The following CACNB2 variants were observed in gnomAD, a reference collection of about 807,000 sequenced individuals.
The protein encoded by CACNB2 is calcium voltage-gated channel auxiliary subunit beta 2, also known as voltage-dependent L-type calcium channel subunit beta-2.
CACNB2 carries 42 observed loss-of-function variants against 73.3 expected under a neutral mutation model. The ratio of observed to expected loss-of-function variants is 0.57; its 90% confidence interval spans 0.45 to 0.74. The LOEUF (loss-of-function observed/expected upper bound fraction) is 0.74. Ranked by LOEUF, CACNB2 falls within the 30% of genes least tolerant of loss-of-function variation. The pLI, the probability that CACNB2 is intolerant of heterozygous loss-of-function variation, is 0.00. For missense variants in CACNB2, 940 were observed against 853.0 expected, an observed-to-expected ratio of 1.10 and a Z score of -1.27; for synonymous variants, 348 against 310.3, an observed-to-expected ratio of 1.12 and a Z score of -1.28.
intron 2 of CACNB2, among the ~76,000 whole-genome samples, chr10:18,196,889 T>G (rs1406713675): frequency 2.0e-5 from 3 of 152,168 alleles, no homozygotes; most frequent in Non-Finnish European, 4.4e-5. Flanking sequence ...CTTCCTGGAT[T>G]TTTCAGTGTC....
intron 2 of CACNB2, among the ~76,000 whole-genome samples, chr10:18,253,440 C>T (rs1211837224): frequency 6.6e-6 from 1 of 152,124 alleles, no homozygotes; most frequent in East Asian, 1.9e-4. Context: ...GTATGTTTCT[C>T]TTTCGTGGTC....
intron 2 of CACNB2, among the ~76,000 whole-genome samples, chr10:18,268,864 G>C (rs2037925843): frequency 6.6e-6 from 1 of 152,132 alleles, no homozygotes; most frequent in South Asian, 2.1e-4. Flanking sequence ...ATAAATGGAG[G>C]AGTCTACTGA....
At chr10:18,372,855 TG>T (rs2042645475) in intron 2 of CACNB2, among the ~76,000 whole-genome samples, 1 of 152,238 alleles carries the variant, frequency 6.6e-6, no homozygotes, top group African/African-American at 2.4e-5. Context: ...TTTCACATAC[TG>T]GGAACAGCAG....
chr10:18,394,823 A>C (rs1269280444), intron 2 of CACNB2, among the ~76,000 whole-genome samples: 4 of 152,252 alleles, frequency 2.6e-5, no homozygotes, highest in African/African-American at 9.6e-5. Context: ...GATTATCCTC[A>C]TTATGAGTAT....
chr10:18,458,346 G>A (rs1218608309), intron 3 of CACNB2, among the ~76,000 whole-genome samples: 2 of 152,122 alleles, frequency 1.3e-5, no homozygotes, highest in African/African-American at 4.8e-5. Flanking sequence ...TGACTTTCAT[G>A]TTTTACTATT....
chr10:18,335,102 G>A (rs1173925103), intron 2 of CACNB2, among the ~76,000 whole-genome samples: 1 of 151,068 alleles, frequency 6.6e-6, no homozygotes, highest in African/African-American at 2.4e-5. Context: ...GACATCTAAT[G>A]TGAAAATTTG....
chr10:18,405,376 T>C (rs945930518), intron 3 of CACNB2, among the ~76,000 whole-genome samples: 3 of 152,190 alleles, frequency 2.0e-5, no homozygotes, highest in Non-Finnish European at 4.4e-5. Context: ...TAGGTGATCT[T>C]TTGTGATTGG....
intron 2 of CACNB2, among the ~76,000 whole-genome samples, chr10:18,188,890 T>A (rs1213718357): frequency 1.3e-5 from 2 of 152,152 alleles, no homozygotes; most frequent in Non-Finnish European, 2.9e-5. Flanking sequence ...CTATGAAACT[T>A]GAACTCACAT....
chr10:18,318,978 A>T (rs1044397470), intron 2 of CACNB2, among the ~76,000 whole-genome samples: 1 of 152,212 alleles, frequency 6.6e-6, no homozygotes, highest in Non-Finnish European at 1.5e-5. Context: ...GAGAAATAGG[A>T]ATGCTTTTAC....
intron 3 of CACNB2, among the ~76,000 whole-genome samples, chr10:18,423,106 G>GAAAC (rs879365508): frequency 2.6e-4 from 40 of 151,378 alleles, no homozygotes; most frequent in Non-Finnish European, 5.3e-4. Context: ...TAAACGTTTG[G>GAAAC]AGGTCATCAT....
At chr10:18,382,706 A>G (rs1418113990) in intron 2 of CACNB2, among the ~76,000 whole-genome samples, 1 of 152,206 alleles carries the variant, frequency 6.6e-6, no homozygotes, top group Non-Finnish European at 1.5e-5. Context: ...ATGTCCCTGC[A>G]AAGGACATGA....
At chr10:18,415,646 G>A (rs1192031547) in intron 3 of CACNB2, among the ~76,000 whole-genome samples, 1 of 152,148 alleles carries the variant, frequency 6.6e-6, no homozygotes, top group African/African-American at 2.4e-5. Context: ...AACCAGCAAT[G>A]TGATTCTCTC....
chr10:18,467,562 C>T (rs2047961198), intron 3 of CACNB2, among the ~76,000 whole-genome samples: 1 of 152,242 alleles, frequency 6.6e-6, no homozygotes, highest in Admixed American at 6.5e-5. Flanking sequence ...TGCCATTTGA[C>T]TAACATACGC....
At chr10:18,476,945 G>C (rs576270799) in intron 3 of CACNB2, among the ~76,000 whole-genome samples, 1 of 152,166 alleles carries the variant, frequency 6.6e-6, no homozygotes, top group South Asian at 2.1e-4. Flanking sequence ...ACTTGAACCC[G>C]GGAGGCAGAG....
chr10:18,466,082 A>C (rs1296140251), intron 3 of CACNB2, among the ~76,000 whole-genome samples: 1 of 152,182 alleles, frequency 6.6e-6, no homozygotes, highest in Non-Finnish European at 1.5e-5. Flanking sequence ...ACATACAGGC[A>C]CACCTCCCTA....
intron 2 of CACNB2, among the ~76,000 whole-genome samples, chr10:18,333,030 C>A (rs1331491680): frequency 1.3e-5 from 2 of 152,012 alleles, no homozygotes; most frequent in Non-Finnish European, 2.9e-5. Context: ...CCCTTTCCTC[C>A]CATTATTTCT....
chr10:18,297,623 C>T (rs2039331209), intron 2 of CACNB2, among the ~76,000 whole-genome samples: 1 of 152,170 alleles, frequency 6.6e-6, no homozygotes, highest in South Asian at 2.1e-4. Flanking sequence ...TGAATTCCTC[C>T]ACGGAGAAGA....
intron 2 of CACNB2, among the ~76,000 whole-genome samples, chr10:18,375,029 G>A (rs2132319638): frequency 6.6e-6 from 1 of 152,178 alleles, no homozygotes; most frequent in African/African-American, 2.4e-5. Flanking sequence ...AATGCACACG[G>A]CAACATGGCA....
intron 10 of CACNB2, among the ~76,000 whole-genome samples, chr10:18,528,783 T>C (rs1024662953): frequency 6.6e-6 from 1 of 152,180 alleles, no homozygotes; most frequent in African/African-American, 2.4e-5. Context: ...TATGTCCTTA[T>C]CATCTGTCAC....
Sources: allele counts gnomAD v4.1 joint callset (sites outside exome capture counted in the v4.1 genomes callset), GRCh38; gene constraint gnomAD v4.1.1; transcripts MANE v1.5; gene names NCBI Gene and HGNC (gene_info 2026-07-23, HGNC 2026-07-21).